The following DEF6 variants were observed in gnomAD, a reference collection of about 807,000 sequenced individuals.
The protein encoded by DEF6 is differentially expressed in FDCP 6 homolog.
DEF6 carries 32 observed loss-of-function variants against 80.5 expected under a neutral mutation model. The ratio of observed to expected loss-of-function variants is 0.40; its 90% confidence interval spans 0.30 to 0.53. The LOEUF is 0.53. Among genes scored for constraint, DEF6 ranks in the 20% least tolerant of loss-of-function variants. The pLI, the probability that DEF6 is intolerant of heterozygous loss-of-function variation, is 0.57. For missense variants in DEF6, 575 were observed against 818.7 expected (o/e 0.70, Z 3.63); for synonymous variants, 300 against 337.9 (o/e 0.89, Z 1.23).
At position 35,319,889 on chromosome 6, in the gene DEF6, G is replaced by T; in HGVS notation, c.1453G>T (p.Glu485Ter). The stretch of plus-strand genomic sequence containing the variant: ...GAAGGAGGAGCAGGAGCGCTACATC[G>T]AACGGGCGCAGCAGGAGAAGGAAGA... ...QLKEEQERYI[E>*]RAQQEKEELQ... The change falls in exon 9 of 11, where the codon GAA becomes TAA. Residue 485 changes from glutamate (E) to a stop codon, truncating the protein, a stop_gained. Transcript: ENST00000316637. LOFTEE classifies it high-confidence loss of function. The surrounding 1 kb of genome is among the most constrained non-coding windows in gnomAD (Gnocchi z 4.5). 1 of 1,579,108 alleles carries T rather than the reference G, an allele frequency of 6.3e-7. No individual in the cohort carries two copies. The highest frequency in any genetic ancestry group is 8.6e-7 in the Non-Finnish European group (1 of 1,162,466).
intron 5 of DEF6, among the ~76,000 whole-genome samples, chr6:35,315,183 C>T (rs1325075691): frequency 1.3e-5 from 2 of 152,056 alleles, no homozygotes; most frequent in Non-Finnish European, 2.9e-5. Flanking sequence ...CTTTGTACTA[C>T]ATTTTGTTTT....
In DEF6 at chr6:35,321,470, C is replaced by A; in HGVS notation, c.*60C>A. 6.7e-7 allele frequency: 1 copy of A among 1,497,696 alleles called. No homozygotes were observed. Among genetic ancestry groups the A allele is most frequent in the Non-Finnish European group, 9.2e-7 (1 of 1,090,288 alleles). The allele number at this position is 1,497,696 out of a possible 1,614,324, so 92.8% of individuals were successfully genotyped here. A position where few individuals can be genotyped will look rare whatever the true frequency, so the allele number is the denominator to read the frequency against. On this transcript the variant is annotated 3_prime_UTR_variant, in exon 11 of 11. Transcript: ENST00000316637. ...TCCACCAGGACCTGGCCACAGCTGG[C>A]CTGTGGGTGATCCCAGCTCTTACTA...
chr6:35,320,100 C>A, intron 9 of DEF6, 83 bp downstream of exon 9: 1 of 1,381,802 alleles, frequency 7.2e-7, no homozygotes, highest in Non-Finnish European at 9.9e-7. Context: ...TGCCTTCCCT[C>A]AAACCCTGGC....
At chr6:35,303,765 G>A (rs1391181438) in intron 1 of DEF6, among the ~76,000 whole-genome samples, 2 of 152,214 alleles carry the variant, frequency 1.3e-5, no homozygotes, top group Non-Finnish European at 2.9e-5. Flanking sequence ...GGGAGGCTGA[G>A]GCGGGTGGAT....
intron 3 of DEF6, among the ~76,000 whole-genome samples, chr6:35,311,976 C>T (rs1052707190): frequency 1.1e-4 from 17 of 152,140 alleles, no homozygotes; most frequent in Non-Finnish European, 8.8e-5. Context: ...GATGAGAGGG[C>T]CTTTGCACTC....
In DEF6 at chr6:35,320,943, G is replaced by A. The variant is rs775678013; in HGVS notation, c.1641G>A (p.Met547Ile). ...STNVKHWNVQ[M>I]NRLMHPIEPG... ...ACGTGAAACACTGGAATGTCCAGATGAACCGGCTGATGCATCCAATTGAGC... is the reference window on the plus strand; with the variant it reads ...ACGTGAAACACTGGAATGTCCAGATAAACCGGCTGATGCATCCAATTGAGC... Residue 547 changes from methionine (M) to isoleucine (I), a missense_variant, in exon 10 of 11, where the codon ATG becomes ATA. Met to Ile is a conservative substitution (Grantham distance 10). Transcript: ENST00000316637. 6.2e-7 allele frequency: 1 copy of A among 1,612,812 alleles called. No individual in the cohort carries two copies. The highest frequency in any genetic ancestry group is 2.2e-5 in the East Asian group (1 of 44,840).
chr6:35,307,063 C>T (rs892611081), intron 1 of DEF6, among the ~76,000 whole-genome samples: 5 of 152,218 alleles, frequency 3.3e-5, no homozygotes, highest in African/African-American at 1.2e-4. Context: ...AATGAGCATT[C>T]TTGTATCTCT....
intron 2 of DEF6, 28 bp downstream of exon 2, chr6:35,309,838 G>T (rs536582447): frequency 1.2e-6 from 2 of 1,611,564 alleles, no homozygotes; most frequent in African/African-American, 2.7e-5. Context: ...GGGAGCATCT[G>T]TAACCTCTCC....
chr6:35,306,767 A>G (rs1318130532), intron 1 of DEF6, among the ~76,000 whole-genome samples: 1 of 152,220 alleles, frequency 6.6e-6, no homozygotes, highest in Non-Finnish European at 1.5e-5. Flanking sequence ...CATATCTTTC[A>G]ATGTCTGTTC....
At position 35,321,693 on chromosome 6, in the gene DEF6, C is replaced by T. The variant is rs964116359; in HGVS notation, c.*283C>T. 1.1e-4 allele frequency: 36 copies of T among 313,224 alleles called. No individual in the cohort carries two copies. Among genetic ancestry groups the T allele is most frequent in the Middle Eastern group, 1.7e-3 (2 of 1,152 alleles). The allele number at this position is 313,224 out of a possible 1,614,324, so 19.4% of individuals were successfully genotyped here. A position where few individuals can be genotyped will look rare whatever the true frequency, so the allele number is the denominator to read the frequency against. On this transcript the variant is annotated 3_prime_UTR_variant, in exon 11 of 11. Coordinates refer to ENST00000316637, the MANE Select transcript of DEF6 (RefSeq NM_022047.4). ...CTTGGGCTAGGAAAGAGAGAACAAG[C>T]AAGCCGGGGCTACCTGCCCCCAGGT...
intron 1 of DEF6, among the ~76,000 whole-genome samples, chr6:35,301,246 CTAGGATCAT>C (rs1791310661): frequency 6.6e-6 from 1 of 152,170 alleles, no homozygotes; most frequent in African/African-American, 2.4e-5. Flanking sequence ...TGCTGGCTGG[CTAGGATCAT>C]TAGCTTTGTC....
chr6:35,305,482 C>T (rs1050661459), intron 1 of DEF6, among the ~76,000 whole-genome samples: 2 of 151,684 alleles, frequency 1.3e-5, no homozygotes, highest in Admixed American at 6.6e-5. Context: ...AGAGTGAGAC[C>T]CCGTCTCTAA....
rs1377356824 is a variant in DEF6, at chr6:35,317,863, C to G, written c.808-28C>G. 1.9e-6 allele frequency: 3 copies of G among 1,602,716 alleles called. No homozygotes were observed. The African/African-American group carries it at 4.0e-5, about 21-fold the overall frequency. Reference sequence around the variant, plus strand: ...GGGGCCCTGACCCAGTGAGGCCAGCCTGGCTGCGGCCACCTACCCTGTGCC... The same window carrying G: ...GGGGCCCTGACCCAGTGAGGCCAGCGTGGCTGCGGCCACCTACCCTGTGCC... On this transcript the variant is annotated intron_variant, in intron 5 of 10. Transcript: ENST00000316637.
chr6:35,300,092 G>A (rs1236764065), intron 1 of DEF6, among the ~76,000 whole-genome samples: 1 of 152,198 alleles, frequency 6.6e-6, no homozygotes, highest in Non-Finnish European at 1.5e-5. Context: ...TGCAGTCATA[G>A]CTCACGACAG....
In DEF6 at chr6:35,318,406, C is replaced by A; in HGVS notation, c.1150C>A (p.Arg384=). The A allele has an allele frequency of 6.5e-7, 1 of 1,529,336 alleles. No homozygotes were observed. The allele number at this position is 1,529,336 out of a possible 1,614,324, so 94.7% of individuals were successfully genotyped here. Residue 384 remains arginine (R), a synonymous_variant, in exon 7 of 11, where the codon CGG becomes AGG. Coordinates refer to ENST00000316637, the MANE Select transcript of DEF6 (RefSeq NM_022047.4). This position sits in a 1 kb window ranked among gnomAD's most constrained non-coding sequence, Gnocchi z 5.1. ...GCGGCTGCTGCAGGAGGAGGAGGAACGGCGCCGCAGCCAGCACCGCGAGCT... is the reference window on the plus strand; with the variant it reads ...GCGGCTGCTGCAGGAGGAGGAGGAAAGGCGCCGCAGCCAGCACCGCGAGCT... The part of the protein sequence containing the change: ...AERLLQEEEE[R]RRSQHRELQQ...
intron 5 of DEF6, among the ~76,000 whole-genome samples, chr6:35,317,132 C>A (rs1791532196): frequency 7.0e-6 from 1 of 143,170 alleles, no homozygotes; most frequent in African/African-American, 2.6e-5. Flanking sequence ...GTTGTTTTTC[C>A]TTTTAAAAAA....
chr6:35,321,135 C>T (rs1791585569), intron 10 of DEF6, 52 bp from the exon 11 acceptor site: 1 of 1,591,956 alleles, frequency 6.3e-7, no homozygotes, highest in Admixed American at 1.7e-5. Context: ...AGGCCCCTCG[C>T]CTCTCACCTT....
Position 35,321,195 on chromosome 6 carries a change from C to T in DEF6, c.1681C>T (p.Pro561Ser). The T allele has an allele frequency of 6.2e-7, 1 of 1,612,310 alleles. No individual in the cohort carries two copies. Among genetic ancestry groups the T allele is most frequent in the East Asian group, 2.2e-5 (1 of 44,878 alleles). ...MHPIEPGDKR[P>S]VTSSSFSGFQ... The stretch of plus-strand genomic sequence containing the variant: ...TGCCTTCTCTCTGCCAGATAAGCGT[C>T]CGGTCACCAGCAGCTCCTTCTCAGG... The change falls in exon 11 of 11, where the codon CCG becomes TCG. Residue 561 changes from proline to serine, a missense_variant. Physicochemically the swap from Pro to Ser is moderately conservative, Grantham distance 74. Coordinates refer to ENST00000316637, the MANE Select transcript of DEF6 (RefSeq NM_022047.4).
At position 35,318,255 on chromosome 6, in the gene DEF6, G is replaced by C; in HGVS notation, c.999G>C (p.Arg333=). Reference sequence around the variant, plus strand: ...TGAAGCAGAAACGGCGCGAGCAGCGGGAGCAGCGGGAGCGGCGCCGGGCGG... The same window carrying C: ...TGAAGCAGAAACGGCGCGAGCAGCGCGAGCAGCGGGAGCGGCGCCGGGCGG... ...KDLKQKRREQ[R]EQRERRRAAK... Residue 333 remains arginine (R), a synonymous_variant, in exon 7 of 11, where the codon CGG becomes CGC. Transcript: ENST00000316637. The surrounding 1 kb of genome is among the most constrained non-coding windows in gnomAD (Gnocchi z 5.1). 1 of 1,583,164 alleles carries C rather than the reference G, an allele frequency of 6.3e-7. No individual in the cohort carries two copies. The highest frequency in any genetic ancestry group is 8.6e-7 in the Non-Finnish European group (1 of 1,166,226).
Sources: allele counts gnomAD v4.1 joint callset (sites outside exome capture counted in the v4.1 genomes callset), GRCh38; gene constraint gnomAD v4.1.1; non-coding constraint Gnocchi (gnomAD v3.1); transcripts MANE v1.5; gene names NCBI Gene and HGNC (gene_info 2026-07-23, HGNC 2026-07-21).